Variants in GSDMC observed in about 807,000 individuals in gnomAD.
The protein encoded by GSDMC is gasdermin C.
In GSDMC, 59 loss-of-function variants were observed where a neutral mutation model predicts 58.0. That is an observed-to-expected ratio of 1.02 (90% CI 0.82 to 1.26). The LOEUF is 1.26. Among genes scored for constraint, GSDMC ranks in the 50% most tolerant of loss-of-function variants. The probability of loss-of-function intolerance (pLI) is 0.00; values close to 1 mark genes in which losing one functional copy is unlikely to be tolerated. For missense variants in GSDMC, 659 were observed against 598.5 expected (o/e 1.10, Z -1.06); for synonymous variants, 241 against 220.2 (o/e 1.09, Z -0.83).
chr8:129,738,055 CAT>C, the GSDMC span, among the ~76,000 whole-genome samples: 2 of 152,122 alleles, frequency 1.3e-5, no homozygotes, highest in Non-Finnish European at 2.9e-5. Flanking sequence ...AACAGACAGA[CAT>C]GTGAAAAAAT....
At chr8:129,716,441 T>G in the GSDMC span, among the ~76,000 whole-genome samples, 5 of 152,180 alleles carry the variant, frequency 3.3e-5, no homozygotes, top group African/African-American at 1.2e-4. Context: ...TGTATAGGAA[T>G]GCTTGTGATT....
At chr8:129,774,707 C>T (rs951214062) in intron 3 of GSDMC, among the ~76,000 whole-genome samples, 5 of 151,986 alleles carry the variant, frequency 3.3e-5, no homozygotes, top group African/African-American at 7.2e-5. Context: ...GGAACTCATA[C>T]GGCTAAATTG....
At chr8:129,706,664 T>C in the GSDMC span, 1 of 152,182 alleles carries the variant, frequency 6.6e-6, no homozygotes, top group Non-Finnish European at 1.5e-5. Flanking sequence ...ACATTCCTCA[T>C]CCTCAAGATG....
At chr8:129,716,580 T>G in the GSDMC span, among the ~76,000 whole-genome samples, 1 of 152,326 alleles carries the variant, frequency 6.6e-6, no homozygotes, top group East Asian at 1.9e-4. Flanking sequence ...CAACTTGACT[T>G]CCTCTCTTCC....
chr8:129,753,003 C>A, intron 6 of GSDMC, 183 bp from the exon 7 acceptor site: 2 of 1,138,786 alleles, frequency 1.8e-6, no homozygotes, highest in Non-Finnish European at 2.4e-6. Flanking sequence ...AGTTTCTTGG[C>A]AAGCCTTGCA....
At chr8:129,718,917 G>A in the GSDMC span, among the ~76,000 whole-genome samples, 1 of 152,118 alleles carries the variant, frequency 6.6e-6, no homozygotes, top group African/African-American at 2.4e-5. Context: ...ATCATTCTCA[G>A]CAAACTAACA....
At chr8:129,739,235 G>A in the GSDMC span, among the ~76,000 whole-genome samples, 1 of 152,168 alleles carries the variant, frequency 6.6e-6, no homozygotes, top group Non-Finnish European at 1.5e-5. Flanking sequence ...TTAAGGGACA[G>A]CAAGTATGCC....
chr8:129,706,763 G>T, the GSDMC span, among the ~76,000 whole-genome samples: 2,518 of 152,222 alleles, frequency 0.017, 69 homozygotes, highest in African/African-American at 0.058. Context: ...CAGAAGAGAG[G>T]CTACATTGCT....
rs1444632154 is a variant in GSDMC at position 129,752,020 on chromosome 8, A to G, written c.886+86T>C. 4 of 1,470,154 alleles carry G rather than the reference A, an allele frequency of 2.7e-6. No homozygotes were observed. In the Admixed American group the frequency reaches 5.0e-5, roughly 18 times the overall value. The allele number at this position is 1,470,154 out of a possible 1,614,324, so 91.1% of individuals were successfully genotyped here. On this transcript the variant is annotated intron_variant, in intron 8 of 13. Transcript: ENST00000276708. The stretch of plus-strand genomic sequence containing the variant: ...CCTTTTCCCCAGAGGCCAGACCCCA[A>G]GACTTTGGGTAATAGCACCAAAGGC...
chr8:129,767,671 C>T (rs890794893), intron 3 of GSDMC, among the ~76,000 whole-genome samples: 3 of 151,914 alleles, frequency 2.0e-5, no homozygotes, highest in African/African-American at 7.3e-5. Flanking sequence ...CACAAACACA[C>T]AGTTCAGCCT....
chr8:129,731,972 C>G, the GSDMC span, among the ~76,000 whole-genome samples: 1 of 152,150 alleles, frequency 6.6e-6, no homozygotes, highest in East Asian at 1.9e-4. Flanking sequence ...CACCTACTGA[C>G]AAAGAACGTG....
the GSDMC span, among the ~76,000 whole-genome samples, chr8:129,717,631 G>C: frequency 6.6e-6 from 1 of 152,022 alleles, no homozygotes; most frequent in Non-Finnish European, 1.5e-5. Context: ...TGCCCCTCAA[G>C]CTACCATTGA....
At chr8:129,706,736 G>C in the GSDMC span, 1 of 152,188 alleles carries the variant, frequency 6.6e-6, no homozygotes, top group Non-Finnish European at 1.5e-5. Flanking sequence ...AAAAATATCA[G>C]TTAAAACTCA....
intron 3 of GSDMC, among the ~76,000 whole-genome samples, chr8:129,770,284 C>G (rs1200897797): frequency 6.6e-6 from 1 of 152,096 alleles, no homozygotes; most frequent in Non-Finnish European, 1.5e-5. Flanking sequence ...TACTTGAGGC[C>G]AGGAGTTCAA....
chr8:129,783,141 T>G (rs2034463653), intron 1 of GSDMC, among the ~76,000 whole-genome samples: 1 of 152,144 alleles, frequency 6.6e-6, no homozygotes, highest in African/African-American at 2.4e-5. Flanking sequence ...GAAAAAGCAC[T>G]TGATAAAACT....
chr8:129,729,698 T>C, the GSDMC span: 2 of 493,228 alleles, frequency 4.1e-6, no homozygotes, highest in Admixed American at 6.9e-5. Context: ...ATTTTCTTTA[T>C]CCAGTCTATC....
At chr8:129,762,175 T>G (rs936449551) in intron 5 of GSDMC, among the ~76,000 whole-genome samples, 4 of 152,198 alleles carry the variant, frequency 2.6e-5, no homozygotes, top group Admixed American at 1.3e-4. Context: ...AAATTCTGAC[T>G]TATGTTCTTA....
chr8:129,722,862 A>G, the GSDMC span: 1 of 152,172 alleles, frequency 6.6e-6, no homozygotes, highest in Non-Finnish European at 1.5e-5. Flanking sequence ...GTTTGGGGCC[A>G]GCGAAAATTT....
the GSDMC span, among the ~76,000 whole-genome samples, chr8:129,741,232 T>C: frequency 6.6e-6 from 1 of 152,156 alleles, no homozygotes; most frequent in Non-Finnish European, 1.5e-5. Flanking sequence ...TACCATGTTG[T>C]TTTGATTATA....
Sources: gnomAD v4.1 joint callset for allele counts (sites outside exome capture counted in the v4.1 genomes callset) on GRCh38, gnomAD v4.1.1 for gene constraint, MANE v1.5 for transcripts, NCBI Gene and HGNC (gene_info 2026-07-23, HGNC 2026-07-21) for gene names.